TPPP: variants seen among roughly 807,000 people sequenced by gnomAD.
TPPP encodes the protein tubulin polymerization-promoting protein.
In TPPP, 6 loss-of-function variants were observed where a neutral mutation model predicts 15.5. The ratio of observed to expected loss-of-function variants is 0.39; its 90% confidence interval spans 0.21 to 0.77. The LOEUF (loss-of-function observed/expected upper bound fraction) is 0.77. Among genes scored for constraint, TPPP ranks in the 30% least tolerant of loss-of-function variants. The pLI is 0.42. For missense variants in TPPP, 269 were observed against 307.2 expected, an observed-to-expected ratio of 0.88 and a Z score of 0.93; for synonymous variants, 146 against 133.9, an observed-to-expected ratio of 1.09 and a Z score of -0.63.
chr5:686,198 C>A (rs1464461227), intron 1 of TPPP, among the ~76,000 whole-genome samples: 1 of 152,242 alleles, frequency 6.6e-6, no homozygotes, highest in Non-Finnish European at 1.5e-5. Context: ...AAATAGAGAT[C>A]CCGGCTGGCT....
intron 1 of TPPP, among the ~76,000 whole-genome samples, chr5:688,410 C>T (rs1202477660): frequency 7.4e-5 from 11 of 148,292 alleles, no homozygotes; most frequent in African/African-American, 1.9e-4. Flanking sequence ...TATTGATCCA[C>T]GTTAGCCAGC....
intron 1 of TPPP, among the ~76,000 whole-genome samples, chr5:684,743 G>C (rs1318212612): frequency 1.6e-5 from 1 of 62,430 alleles, no homozygotes; most frequent in Admixed American, 2.0e-4. Context: ...GAGCGCAGAC[G>C]GTTCCTGTTT....
intron 1 of TPPP, among the ~76,000 whole-genome samples, chr5:691,866 C>G (rs1413846625): frequency 3.3e-5 from 3 of 92,216 alleles, no homozygotes; most frequent in Non-Finnish European, 4.5e-5. Context: ...AAACAGCAGC[C>G]CCCTAAACCC....
In TPPP at chr5:665,274, A is replaced by G; in HGVS notation, c.488T>C (p.Val163Ala). The change falls in exon 4 of 4, where the codon GTG becomes GCG. Residue 163 changes from valine (V) to alanine (A), a missense_variant. Physicochemically the swap from Val to Ala is moderately conservative, Grantham distance 64 (BLOSUM62 0). Coordinates refer to ENST00000360578, the MANE Select transcript of TPPP (RefSeq NM_007030.3). ...GVTKAISSPT[V>A]SRLTDTTKFT... ...CTTGGTGGTGTCCGTGAGCCTCGAC[A>G]CTGTGGGCGACGAGATGGCTTTCTG... The G allele has an allele frequency of 6.2e-7, 1 of 1,613,326 alleles. No homozygotes were observed. Among genetic ancestry groups the G allele is most frequent in the Non-Finnish European group, 8.5e-7 (1 of 1,179,780 alleles).
At position 686,578 on chromosome 5, in the gene TPPP, C is replaced by T. The variant is rs897449021; in HGVS notation, c.-5+6700G>A. Among the ~76,000 whole-genome samples the T allele has an allele frequency of 2.7e-4, 37 of 138,984 alleles. 1 individual carries two copies. Among genetic ancestry groups the T allele is most frequent in the Admixed American group, 2.1e-3 (30 of 14,138 alleles). 91.2% of individuals were successfully genotyped at this position (138,984 alleles called of 152,430 possible). A position where few individuals can be genotyped will look rare whatever the true frequency, so the allele number is the denominator to read the frequency against. On this transcript the variant is annotated intron_variant, in intron 1 of 3. Coordinates refer to ENST00000360578, the MANE Select transcript of TPPP (RefSeq NM_007030.3). ...CAGCTGGAACCAGGGCAGCTCTGGG[C>T]CAATGGTGGCCCCATCTAATCCCCA...
intron 2 of TPPP, among the ~76,000 whole-genome samples, chr5:672,252 A>G (rs1199806281): frequency 6.6e-6 from 1 of 152,128 alleles, no homozygotes; most frequent in Non-Finnish European, 1.5e-5. Context: ...CGCTCGGGGC[A>G]ACCGCAGACC....
chr5:674,487 C>T (rs760372977), intron 2 of TPPP, among the ~76,000 whole-genome samples: 13 of 151,938 alleles, frequency 8.6e-5, no homozygotes, highest in South Asian at 2.1e-4. Context: ...TTCCCTCTCC[C>T]GGTCCGAGTG....
upstream of TPPP, among the ~76,000 whole-genome samples, chr5:697,675 G>T (rs1193242007): frequency 3.3e-5 from 5 of 152,014 alleles, no homozygotes; most frequent in African/African-American, 9.7e-5. Context: ...TTTCCCCACT[G>T]CCAGAAGTGG....
At chr5:691,426 A>AT (rs1740860444) in intron 1 of TPPP, among the ~76,000 whole-genome samples, 1 of 58,172 alleles carries the variant, frequency 1.7e-5, no homozygotes. Context: ...TCAGGCGGGG[A>AT]GGGGTGGCCG....
At chr5:692,876 C>T in intron 1 of TPPP, 1 of 952,878 alleles carries the variant, frequency 1.0e-6, no homozygotes, top group Non-Finnish European at 1.2e-6. Context: ...ACACCGGCGG[C>T]CCCCTAGGCC....
At chr5:688,157 A>G (rs577276375) in intron 1 of TPPP, among the ~76,000 whole-genome samples, 190 of 123,032 alleles carry the variant, frequency 1.5e-3, no homozygotes, top group African/African-American at 5.4e-3. Flanking sequence ...TAGATCCCAG[A>G]CTCAACGGCT....
rs1401777584 is a variant in TPPP, at chr5:664,848, GA to G, written c.*253del. 3.9e-6 allele frequency: 2 copies of G among 514,990 alleles called. No homozygotes were observed. Among genetic ancestry groups the G allele is most frequent in the Non-Finnish European group, 3.5e-6 (1 of 286,938 alleles). The allele number at this position is 514,990 out of a possible 1,614,324, so 31.9% of individuals were successfully genotyped here. A position where few individuals can be genotyped will look rare whatever the true frequency, so the allele number is the denominator to read the frequency against. The stretch of plus-strand genomic sequence containing the variant: ...GTGGTGTGATCCGCGAGACACTTTG[GA>G]AATGGCTGAGGACGAGGCAGGTGTA... On this transcript the variant is annotated 3_prime_UTR_variant, in exon 4 of 4. Coordinates refer to ENST00000360578, the MANE Select transcript of TPPP (RefSeq NM_007030.3).
At position 662,905 on chromosome 5, in the gene TPPP, C is replaced by G. The variant is rs112296908; in HGVS notation, c.*2197G>C. The G allele has an allele frequency of 7.1e-6, 1 of 141,254 alleles. No individual in the cohort carries two copies. The highest frequency in any genetic ancestry group is 2.2e-4 in the South Asian group (1 of 4,466). 8.8% of individuals were successfully genotyped at this position (141,254 alleles called of 1,614,324 possible). Reference sequence around the variant, plus strand: ...ATTCCGATGACTGCTCGTCTGTGATCGGGCGATTCTGGTGACCGCTCGTCT... The same window carrying G: ...ATTCCGATGACTGCTCGTCTGTGATGGGGCGATTCTGGTGACCGCTCGTCT... On this transcript the variant is annotated 3_prime_UTR_variant, in exon 4 of 4. Transcript: ENST00000360578.
At chr5:696,370 C>T (rs1741011396), upstream of TPPP, among the ~76,000 whole-genome samples, 2 of 139,830 alleles carry the variant, frequency 1.4e-5, no homozygotes, top group South Asian at 4.9e-4. Flanking sequence ...GTGAGGATGC[C>T]GGGTCCCAGC....
chr5:673,468 G>A (rs1039753406), intron 2 of TPPP, among the ~76,000 whole-genome samples: 9 of 152,048 alleles, frequency 5.9e-5, no homozygotes, highest in African/African-American at 1.9e-4. Flanking sequence ...ATGGGGAGGG[G>A]GGGAGGTCAG....
chr5:695,694 AGT>A (rs1340456373), upstream of TPPP, among the ~76,000 whole-genome samples: 172 of 151,558 alleles, frequency 1.1e-3, no homozygotes, highest in African/African-American at 3.9e-3. Context: ...CCCCCGAGTT[AGT>A]GTGTCTGTCT....
Position 662,481 on chromosome 5 carries a change from C to G in TPPP, c.*2621G>C, listed in dbSNP as rs1026514422. On this transcript the variant is annotated 3_prime_UTR_variant, in exon 4 of 4. Transcript: ENST00000360578. ...AGGGCCTGGCGAGCCTCTGTGCCTG[C>G]CGTGCGGTGTGAGGACCCGCGGACC... 2.3e-4 allele frequency: 35 copies of G among 152,576 alleles called. No individual in the cohort carries two copies. Among genetic ancestry groups the G allele is most frequent in the African/African-American group, 7.9e-4 (33 of 41,592 alleles). The allele number at this position is 152,576 out of a possible 1,614,324, so 9.5% of individuals were successfully genotyped here. A position where few individuals can be genotyped will look rare whatever the true frequency, so the allele number is the denominator to read the frequency against.
intron 2 of TPPP, among the ~76,000 whole-genome samples, chr5:672,277 C>T (rs762120455): frequency 1.4e-4 from 21 of 151,218 alleles, no homozygotes; most frequent in Non-Finnish European, 2.2e-4. Flanking sequence ...GGAGCCTGGC[C>T]CTGCTGTTCT....
chr5:670,215 C>T (rs962887700), intron 2 of TPPP, among the ~76,000 whole-genome samples: 26 of 152,176 alleles, frequency 1.7e-4, no homozygotes, highest in African/African-American at 5.8e-4. Flanking sequence ...TCACAGGCCC[C>T]GCTGGGCTCG....
Sources: gnomAD v4.1 joint callset for allele counts (sites outside exome capture counted in the v4.1 genomes callset) on GRCh38, gnomAD v4.1.1 for gene constraint, MANE v1.5 for transcripts, NCBI Gene and HGNC (gene_info 2026-07-23, HGNC 2026-07-21) for gene names.